The following DET1 variants were observed in gnomAD, a reference collection of about 807,000 sequenced individuals.
DET1 encodes DET1 homolog.
Under a neutral mutation model 43.7 loss-of-function variants are expected in DET1, and 22 were observed. That is an observed-to-expected ratio of 0.50 (90% CI 0.36 to 0.72). DET1 has a LOEUF of 0.72. Among genes scored for constraint, DET1 ranks in the 30% least tolerant of loss-of-function variants. DET1 has a pLI of 0.00. For missense variants in DET1, 713 were observed against 713.3 expected (o/e 1.00, Z 0.00); for synonymous variants, 315 against 266.2 (o/e 1.18, Z -1.79).
downstream of DET1, among the ~76,000 whole-genome samples, chr15:88,511,914 G>A (rs187660296): frequency 9.0e-4 from 137 of 152,202 alleles, no homozygotes; most frequent in Middle Eastern, 6.8e-3. Context: ...ACATTTCAAA[G>A]CTACCTTCAA....
At chr15:88,528,634 C>T (rs566564646) in intron 2 of DET1, among the ~76,000 whole-genome samples, 1 of 152,198 alleles carries the variant, frequency 6.6e-6, no homozygotes, top group South Asian at 2.1e-4. Context: ...CTCTGCCTAA[C>T]AAGGAAGCTC....
At chr15:88,503,488 G>A (rs2056108206) in intron 8 of DET1, 1 of 152,118 alleles carries the variant, frequency 6.6e-6, no homozygotes, top group Non-Finnish European at 1.5e-5. Context: ...AGATTTAAAT[G>A]AATTCTGACA....
At chr15:88,513,165 G>C (rs1452889273) in intron 4 of DET1, 25 bp from the exon 5 acceptor site, 1 of 1,581,068 alleles carries the variant, frequency 6.3e-7, no homozygotes, top group South Asian at 1.1e-5. Flanking sequence ...GACAGAGACA[G>C]AGAAAGAGGG....
intron 1 of DET1, among the ~76,000 whole-genome samples, chr15:88,534,849 T>C (rs117737560): frequency 8.5e-4 from 129 of 152,310 alleles, no homozygotes; most frequent in South Asian, 4.6e-3. Flanking sequence ...AACATCCTCT[T>C]AGGATTTAAA....
chr15:88,539,448 TAAAAAAAAAA>T (rs34945813), intron 1 of DET1, among the ~76,000 whole-genome samples: 2 of 96,484 alleles, frequency 2.1e-5, no homozygotes, highest in African/African-American at 4.3e-5. Flanking sequence ...CTTGTCTGTC[TAAAAAAAAAA>T]AAAAAAAAAA....
At chr15:88,524,274 G>A (rs973013901) in intron 3 of DET1, among the ~76,000 whole-genome samples, 11 of 150,856 alleles carry the variant, frequency 7.3e-5, no homozygotes, top group South Asian at 2.1e-4. Context: ...GAGCCCCTCC[G>A]CCTGGCAGCC....
chr15:88,506,576 T>A, intron 7 of DET1, among the ~76,000 whole-genome samples: 1 of 152,012 alleles, frequency 6.6e-6, no homozygotes, highest in East Asian at 1.9e-4. Context: ...GAACCGTTTA[T>A]GCTGATTACC....
chr15:88,537,025 A>G (rs1459073020), intron 1 of DET1, among the ~76,000 whole-genome samples: 1 of 152,148 alleles, frequency 6.6e-6, no homozygotes, highest in Non-Finnish European at 1.5e-5. Flanking sequence ...CCTTCTGAAA[A>G]GGTTCCAAAT....
intron 3 of DET1, among the ~76,000 whole-genome samples, chr15:88,517,573 G>A (rs1023654348): frequency 3.9e-5 from 6 of 152,092 alleles, no homozygotes; most frequent in African/African-American, 1.4e-4. Flanking sequence ...TTTAAAATGA[G>A]TATAACTAGT....
chr15:88,511,976 A>G (rs1022678331), downstream of DET1, among the ~76,000 whole-genome samples: 4 of 152,214 alleles, frequency 2.6e-5, no homozygotes, highest in African/African-American at 9.6e-5. Flanking sequence ...TACATTATGC[A>G]GATGAAACAT....
At chr15:88,523,586 C>T (rs971503552) in intron 3 of DET1, among the ~76,000 whole-genome samples, 19 of 152,150 alleles carry the variant, frequency 1.2e-4, no homozygotes, top group Admixed American at 7.9e-4. Flanking sequence ...ATTGCAGGCG[C>T]GCACCGCCAC....
At position 88,531,208 on chromosome 15, in the gene DET1, A is replaced by G; in HGVS notation, c.498T>C (p.Pro166=). 1 of 1,613,882 alleles carries G rather than the reference A, an allele frequency of 6.2e-7. No homozygotes were observed. The highest frequency in any genetic ancestry group is 8.5e-7 in the Non-Finnish European group (1 of 1,179,828). ...VGSAAYLPDE[P]HPPFFEVYRN... is the part of the protein sequence containing the mutation. The stretch of plus-strand genomic sequence containing the variant: ...GATATACCTCAAAAAATGGAGGGTG[A>G]GGCTCATCTGGGAGGTAGGCAGCTG... Residue 166 remains proline, a synonymous_variant, in exon 2 of 5, where the codon CCT becomes CCC. Transcript: ENST00000268148. The surrounding 1 kb of genome is among the most constrained non-coding windows in gnomAD (Gnocchi z 6.2).
At chr15:88,532,495 A>T (rs1312561376) in intron 1 of DET1, among the ~76,000 whole-genome samples, 1 of 152,246 alleles carries the variant, frequency 6.6e-6, no homozygotes, top group African/African-American at 2.4e-5. Context: ...AGGGCCTCCA[A>T]ATACACAAAA....
In DET1 at chr15:88,530,669, T is replaced by C; in HGVS notation, c.1037A>G (p.Tyr346Cys). The C allele has an allele frequency of 1.2e-6, 2 of 1,613,728 alleles. No individual in the cohort carries two copies. Among genetic ancestry groups the C allele is most frequent in the Non-Finnish European group, 1.7e-6 (2 of 1,179,710 alleles). ...CAGTGTTACTACATCCTCACTAGTG[T>C]ACTTGATAAACAGGTGGTTTTCATC... is the stretch of plus-strand genomic sequence containing the variant. ...LLDENHLFIK[Y>C]TSEDVVTLRV... Residue 346 changes from tyrosine to cysteine, a missense_variant, in exon 2 of 5, where the codon TAC becomes TGC. Physicochemically the swap from Tyr to Cys is radical, Grantham distance 194. Transcript: ENST00000268148.
intron 3 of DET1, among the ~76,000 whole-genome samples, chr15:88,518,448 AAAG>A (rs749298867): frequency 2.0e-5 from 3 of 152,228 alleles, no homozygotes; most frequent in East Asian, 1.9e-4. Context: ...TTTACAAATA[AAAG>A]AAGTAGGATA....
chr15:88,543,625 GAGACAGATGTGTTGTGGGCTC>G (rs1451678489), intron 1 of DET1, among the ~76,000 whole-genome samples: 1 of 152,204 alleles, frequency 6.6e-6, no homozygotes, highest in Non-Finnish European at 1.5e-5. Context: ...TGTTACCACG[GAGACAGATGTGTTGTGGGCTC>G]AGGCTTTACC....
At chr15:88,523,933 C>T (rs969780558) in intron 3 of DET1, among the ~76,000 whole-genome samples, 4 of 150,590 alleles carry the variant, frequency 2.7e-5, no homozygotes, top group African/African-American at 7.4e-5. Flanking sequence ...CTCTGCCCGG[C>T]TGCCCAGTCT....
intron 1 of DET1, among the ~76,000 whole-genome samples, chr15:88,532,728 G>T (rs1022236273): frequency 1.3e-5 from 2 of 152,134 alleles, no homozygotes; most frequent in Non-Finnish European, 2.9e-5. Context: ...TGGGAAAACT[G>T]AATAGCCACA....
chr15:88,541,931 G>A (rs758441907), intron 1 of DET1, among the ~76,000 whole-genome samples: 3 of 152,160 alleles, frequency 2.0e-5, no homozygotes, highest in Admixed American at 6.5e-5. Flanking sequence ...CTGTGACCGC[G>A]CTGGGAGGAA....
Sources: allele counts gnomAD v4.1 joint callset (sites outside exome capture counted in the v4.1 genomes callset), GRCh38; gene constraint gnomAD v4.1.1; non-coding constraint Gnocchi (gnomAD v3.1); transcripts MANE v1.5; gene names NCBI Gene and HGNC (gene_info 2026-07-23, HGNC 2026-07-21).